The following DNAJC16 variants were observed in gnomAD, a reference collection of about 807,000 sequenced individuals.
DNAJC16 encodes the protein dnaJ homolog subfamily C member 16.
A neutral mutation model predicts 92.7 loss-of-function variants in DNAJC16; 76 were observed. That is an observed-to-expected ratio of 0.82 (90% CI 0.68 to 0.99). The LOEUF is 0.99. Ranked by LOEUF, DNAJC16 falls within the 50% of genes least tolerant of loss-of-function variation. The probability of loss-of-function intolerance (pLI) is 0.00; values close to 1 mark genes in which losing one functional copy is unlikely to be tolerated. For missense variants in DNAJC16, 869 were observed against 942.4 expected (o/e 0.92, Z 1.02); for synonymous variants, 328 against 358.7 (o/e 0.91, Z 0.97).
intron 4 of DNAJC16, among the ~76,000 whole-genome samples, chr1:15,540,095 G>A (rs893610728): frequency 6.6e-6 from 1 of 152,128 alleles, no homozygotes; most frequent in Non-Finnish European, 1.5e-5. Context: ...GGAGGCCAAG[G>A]CGGGTGGATC....
chr1:15,562,411 A>T, intron 9 of DNAJC16, 86 bp downstream of exon 9: 1 of 1,334,382 alleles, frequency 7.5e-7, no homozygotes, highest in Non-Finnish European at 1.0e-6. Context: ...AGAGTGTTGA[A>T]TACAGATTCT....
At chr1:15,546,260 GC>G (rs1431556446) in intron 5 of DNAJC16, among the ~76,000 whole-genome samples, 2 of 152,162 alleles carry the variant, frequency 1.3e-5, no homozygotes, top group Admixed American at 1.3e-4. Context: ...GGTGCAATGA[GC>G]CATGATCATG....
At chr1:15,559,197 C>T (rs948662888) in intron 7 of DNAJC16, among the ~76,000 whole-genome samples, 2 of 152,156 alleles carry the variant, frequency 1.3e-5, no homozygotes, top group Admixed American at 1.3e-4. Context: ...CTCAGCCTCC[C>T]AAAGTTCTAG....
At chr1:15,560,848 T>A (rs1026455440) in intron 8 of DNAJC16, among the ~76,000 whole-genome samples, 1 of 151,966 alleles carries the variant, frequency 6.6e-6, no homozygotes, top group Admixed American at 6.6e-5. Flanking sequence ...GGCAGCCTTC[T>A]AACTAGTCTC....
intron 7 of DNAJC16, among the ~76,000 whole-genome samples, chr1:15,559,025 C>T (rs1019607315): frequency 1.3e-5 from 2 of 152,084 alleles, no homozygotes; most frequent in African/African-American, 4.8e-5. Context: ...CTGCAACCTC[C>T]GTCTCCCAGG....
At position 15,567,200 on chromosome 1, in the gene DNAJC16, T is replaced by C. The variant is rs1346952017; in HGVS notation, c.1880T>C (p.Leu627Pro). The change falls in exon 14 of 15, where the codon CTC (leucine) becomes CCC (proline). Residue 627 changes from leucine (L) to proline (P), a missense_variant. Physicochemically the swap from Leu to Pro is moderately conservative, Grantham distance 98. Transcript: ENST00000375847. ...AGGCCAGGCCACATGAATGTGGTCC[T>C]CATCCTGTCGAATTCTACCAAGACC... ...RLRPGHMNVV[L>P]ILSNSTKTSL... 1 of 1,614,178 alleles carries C rather than the reference T, an allele frequency of 6.2e-7. No individual in the cohort carries two copies. Among genetic ancestry groups the C allele is most frequent in the East Asian group, 2.2e-5 (1 of 44,892 alleles).
chr1:15,566,570 G>C (rs1638812292), intron 13 of DNAJC16: 1 of 206,980 alleles, frequency 4.8e-6, no homozygotes. Flanking sequence ...TTCTGTCCTA[G>C]AGCAACTTCT....
At chr1:15,554,884 T>C (rs927170809) in intron 7 of DNAJC16, among the ~76,000 whole-genome samples, 1 of 152,152 alleles carries the variant, frequency 6.6e-6, no homozygotes, top group Non-Finnish European at 1.5e-5. Context: ...CTTAGAAAAT[T>C]GGGCCTTCCA....
In DNAJC16 at chr1:15,546,761, T is replaced by C. The variant is rs375969163; in HGVS notation, c.760-6T>C. ...ATTGAGACTAACATTCTATTTTCAA[T>C]TTAAGGTTACAAATAAAAATTACGT... On this transcript the variant is annotated splice_region_variant and splice_polypyrimidine_tract_variant and intron_variant, in intron 5 of 14. Coordinates refer to ENST00000375847, the MANE Select transcript of DNAJC16 (RefSeq NM_015291.4). The C allele has an allele frequency of 2.5e-6, 4 of 1,602,894 alleles. No homozygotes were observed. The highest frequency in any genetic ancestry group is 3.4e-6 in the Non-Finnish European group (4 of 1,170,900).
At chr1:15,533,599 G>C (rs1373179035) in intron 2 of DNAJC16, among the ~76,000 whole-genome samples, 1 of 152,130 alleles carries the variant, frequency 6.6e-6, no homozygotes, top group Non-Finnish European at 1.5e-5. Flanking sequence ...CTGCATTCCA[G>C]TCTGGGCAAC....
At chr1:15,531,296 T>A (rs1710654276) in intron 2 of DNAJC16, among the ~76,000 whole-genome samples, 1 of 152,212 alleles carries the variant, frequency 6.6e-6, no homozygotes, top group South Asian at 2.1e-4. Flanking sequence ...TTAAACTGGT[T>A]GAAATAAAGG....
chr1:15,545,715 G>C (rs1172215149), intron 5 of DNAJC16, among the ~76,000 whole-genome samples: 1 of 152,210 alleles, frequency 6.6e-6, no homozygotes, highest in Non-Finnish European at 1.5e-5. Flanking sequence ...GCACCTTCAC[G>C]CTCCTTTAAG....
chr1:15,563,557 G>A (rs1638737924), intron 9 of DNAJC16, among the ~76,000 whole-genome samples: 1 of 149,964 alleles, frequency 6.7e-6, no homozygotes, highest in Admixed American at 6.7e-5. Flanking sequence ...GCCAAGTGTG[G>A]TGGCTCACAG....
chr1:15,546,808 G>T lies in DNAJC16; in HGVS notation c.801G>T (p.Gln267His). 1 of 1,613,698 alleles carries T rather than the reference G, an allele frequency of 6.2e-7. No individual in the cohort carries two copies. The highest frequency in any genetic ancestry group is 2.2e-5 in the East Asian group (1 of 44,860). The change falls in exon 6 of 15, where the codon CAG (glutamine) becomes CAT (histidine). Residue 267 changes from glutamine (Q) to histidine (H), a missense_variant. Coordinates refer to ENST00000375847, the MANE Select transcript of DNAJC16 (RefSeq NM_015291.4). ...ACGTCAGATTCCTCTCTGGCTGGCA[G>T]CAAGAGAATAAGCCTCATGTCCTTC... ...KNYVRFLSGWQQENKPHVLLF... is the reference protein window; with the variant it reads ...KNYVRFLSGWHQENKPHVLLF...
intron 7 of DNAJC16, among the ~76,000 whole-genome samples, chr1:15,556,049 T>C (rs900553141): frequency 6.7e-6 from 1 of 149,464 alleles, no homozygotes; most frequent in Non-Finnish European, 1.5e-5. Context: ...ACCCTAGCAC[T>C]TTTGGAGGCT....
At chr1:15,557,117 A>G (rs1387049340) in intron 7 of DNAJC16, among the ~76,000 whole-genome samples, 3 of 152,234 alleles carry the variant, frequency 2.0e-5, no homozygotes, top group Non-Finnish European at 4.4e-5. Flanking sequence ...TTTGACATTC[A>G]TGTTCAGAAA....
chr1:15,545,369 A>ATTTT (rs1324596494), intron 5 of DNAJC16, among the ~76,000 whole-genome samples: 2 of 152,236 alleles, frequency 1.3e-5, no homozygotes, highest in African/African-American at 2.4e-5. Context: ...TTAACTTAAA[A>ATTTT]GTTTGTCAGA....
intron 2 of DNAJC16, among the ~76,000 whole-genome samples, chr1:15,532,379 C>T (rs1273574805): frequency 6.6e-6 from 1 of 152,136 alleles, no homozygotes; most frequent in Non-Finnish European, 1.5e-5. Flanking sequence ...CAATACTTTC[C>T]TATGGCTGAA....
chr1:15,563,076 C>T (rs1167235579), intron 9 of DNAJC16, among the ~76,000 whole-genome samples: 2 of 151,776 alleles, frequency 1.3e-5, no homozygotes, highest in African/African-American at 2.4e-5. Flanking sequence ...CCTACAGAAA[C>T]AAGAAATTCT....
Sources: gnomAD v4.1 joint callset for allele counts (sites outside exome capture counted in the v4.1 genomes callset) on GRCh38, gnomAD v4.1.1 for gene constraint, MANE v1.5 for transcripts, NCBI Gene and HGNC (gene_info 2026-07-23, HGNC 2026-07-21) for gene names.